The following WDR49 variants were observed in gnomAD, a reference collection of about 807,000 sequenced individuals.
WDR49 encodes WD repeat domain 49.
Under a neutral mutation model 119.5 loss-of-function variants are expected in WDR49, and 107 were observed. The observed-to-expected ratio is 0.90, with a 90% CI of 0.77 to 1.05. The LOEUF (loss-of-function observed/expected upper bound fraction) is 1.05, where lower values mean the gene tolerates loss of function less well. WDR49 is among the 50% of genes least tolerant of loss of function. The probability of loss-of-function intolerance (pLI) is 0.00; values close to 1 mark genes in which losing one functional copy is unlikely to be tolerated. For synonymous variants in WDR49, 425 were observed against 418.8 expected, an observed-to-expected ratio of 1.01 and a Z score of -0.18; for missense variants, 1,240 against 1,220.5, an observed-to-expected ratio of 1.02 and a Z score of -0.24.
rs58740093 is a variant in WDR49 at position 167,585,935 on chromosome 3, C to A, written c.1276-9784G>T. Among the ~76,000 whole-genome samples, 997 of 152,120 alleles carry A rather than the reference C, an allele frequency of 6.6e-3. 56 individuals carry two copies. In the East Asian group the frequency reaches 0.13, roughly 20 times the overall value. ...ATCATTTGCAATTTTTATAGGAGGG[C>A]ATTAATCCATTTACCGGCGTACTTT... On this transcript the variant is annotated intron_variant, in intron 7 of 18. Coordinates refer to ENST00000682715, the MANE Select transcript of WDR49 (RefSeq NM_001366157.1).
At chr3:167,506,681 A>G (rs527556704) in intron 16 of WDR49, among the ~76,000 whole-genome samples, 13 of 152,290 alleles carry the variant, frequency 8.5e-5, no homozygotes, top group Admixed American at 3.3e-4. Context: ...AAAGAAATCA[A>G]TATTGGTACA....
chr3:167,606,931 G>A (rs1404337082), intron 5 of WDR49, among the ~76,000 whole-genome samples: 3 of 152,126 alleles, frequency 2.0e-5, no homozygotes, highest in Non-Finnish European at 2.9e-5. Flanking sequence ...AAGATCCAAA[G>A]ATATACAAGA....
intron 18 of WDR49, among the ~76,000 whole-genome samples, chr3:167,488,999 A>G (rs912513430): frequency 6.6e-6 from 1 of 152,144 alleles, no homozygotes. Flanking sequence ...TGTCAGAGAG[A>G]CCTTCACTGA....
chr3:167,479,784 A>T (rs1377216762), intron 18 of WDR49, among the ~76,000 whole-genome samples: 1 of 152,178 alleles, frequency 6.6e-6, no homozygotes, highest in African/African-American at 2.4e-5. Context: ...ATATATAAAG[A>T]TTTTTTAAAA....
chr3:167,574,542 C>T (rs1430910793), intron 8 of WDR49, among the ~76,000 whole-genome samples: 2 of 152,120 alleles, frequency 1.3e-5, no homozygotes, highest in Non-Finnish European at 2.9e-5. Context: ...GGTGTAAATA[C>T]TCAACTCAAT....
intron 3 of WDR49, among the ~76,000 whole-genome samples, chr3:167,622,852 A>C (rs1291600739): frequency 6.6e-6 from 1 of 152,146 alleles, no homozygotes; most frequent in Non-Finnish European, 1.5e-5. Flanking sequence ...AAAAGATTTG[A>C]AATTATATAA....
At chr3:167,517,279 G>T (rs559481146) in intron 16 of WDR49, among the ~76,000 whole-genome samples, 1 of 151,988 alleles carries the variant, frequency 6.6e-6, no homozygotes, top group African/African-American at 2.4e-5. Context: ...TGTACTACAC[G>T]GCTACAGTAA....
At chr3:167,529,900 A>G (rs1752782645) in intron 13 of WDR49, among the ~76,000 whole-genome samples, 2 of 152,092 alleles carry the variant, frequency 1.3e-5, no homozygotes. Flanking sequence ...CTATTATTTG[A>G]TAAATCTGTA....
At chr3:167,620,654 A>G in intron 4 of WDR49, 51 bp from the exon 5 acceptor site, 1 of 1,461,942 alleles carries the variant, frequency 6.8e-7, no homozygotes, top group South Asian at 1.4e-5. Context: ...TATTTGTTGC[A>G]AGAAGATTCT....
At chr3:167,573,416 ACACACACAC>A (rs1714050364) in intron 8 of WDR49, among the ~76,000 whole-genome samples, 1 of 150,216 alleles carries the variant, frequency 6.7e-6, no homozygotes, top group African/African-American at 2.5e-5. Flanking sequence ...ACACACACAC[ACACACACAC>A]ACACAACACA....
rs189840644 is a variant in WDR49, at chr3:167,483,854, C to T, written c.3032-4858G>A. ...ATAGATGAGGCCCAGAAAACCTAAC[C>T]TTCATTAGCTTCATTTGTAAATCTA... On this transcript the variant is annotated intron_variant, in intron 18 of 18. Coordinates refer to ENST00000682715, the MANE Select transcript of WDR49 (RefSeq NM_001366157.1). Among the ~76,000 whole-genome samples, 28 of 152,182 alleles carry T rather than the reference C, an allele frequency of 1.8e-4. No individual in the cohort carries two copies. The East Asian group carries it at 5.4e-3, about 29-fold the overall frequency.
intron 7 of WDR49, among the ~76,000 whole-genome samples, chr3:167,601,505 C>T (rs1453323191): frequency 6.6e-6 from 1 of 152,030 alleles, no homozygotes; most frequent in African/African-American, 2.4e-5. Context: ...TACCAAGGAA[C>T]AAAAGTCAAG....
chr3:167,633,400 A>G (rs552243933), intron 2 of WDR49: 73 of 454,562 alleles, frequency 1.6e-4, no homozygotes, highest in Non-Finnish European at 3.0e-4. Context: ...TGGTGAAAGT[A>G]AAGTTTACCT....
chr3:167,563,303 A>G (rs1419857932), intron 8 of WDR49, among the ~76,000 whole-genome samples: 3 of 150,876 alleles, frequency 2.0e-5, no homozygotes, highest in South Asian at 2.1e-4. Context: ...GCAGTGAGCC[A>G]AGATAGCGCC....
At chr3:167,547,326 C>T (rs915076046) in intron 10 of WDR49, among the ~76,000 whole-genome samples, 8 of 151,786 alleles carry the variant, frequency 5.3e-5, no homozygotes, top group Admixed American at 1.3e-4. Flanking sequence ...CTACTTTCTA[C>T]AGTGCTCTAT....
intron 8 of WDR49, among the ~76,000 whole-genome samples, chr3:167,569,975 C>CGTACATGTATGTGTGCAT (rs1370846207): frequency 1.3e-5 from 2 of 152,016 alleles, no homozygotes; most frequent in Admixed American, 1.3e-4. Flanking sequence ...TGTATCTGTT[C>CGTACATGTATGTGTGCAT]GTACATGTAT....
intron 2 of WDR49, among the ~76,000 whole-genome samples, chr3:167,640,033 A>C (rs367683474): frequency 6.6e-6 from 1 of 151,694 alleles, no homozygotes; most frequent in African/African-American, 2.4e-5. Flanking sequence ...CTACTTTATT[A>C]TTTCCCTTCC....
At chr3:167,494,694 T>G (rs1180123413) in intron 18 of WDR49, among the ~76,000 whole-genome samples, 2 of 152,028 alleles carry the variant, frequency 1.3e-5, no homozygotes, top group Non-Finnish European at 2.9e-5. Flanking sequence ...GAAAGTAAAT[T>G]TGGAAGTGTT....
At chr3:167,521,111 T>G (rs1041388743) in intron 16 of WDR49, among the ~76,000 whole-genome samples, 1 of 151,718 alleles carries the variant, frequency 6.6e-6, no homozygotes, top group African/African-American at 2.4e-5. Context: ...AGTGGAAAAG[T>G]TGGTATTGCA....
Sources: allele counts gnomAD v4.1 joint callset (sites outside exome capture counted in the v4.1 genomes callset), GRCh38; gene constraint gnomAD v4.1.1; transcripts MANE v1.5; gene names NCBI Gene and HGNC (gene_info 2026-07-23, HGNC 2026-07-21).